The following SNRNP70 variants were observed in gnomAD, a reference collection of about 807,000 sequenced individuals.
SNRNP70 encodes U1 small nuclear ribonucleoprotein 70 kDa.
Under a neutral mutation model 50.5 loss-of-function variants are expected in SNRNP70, and 8 were observed. The observed-to-expected ratio is 0.16, with a 90% CI of 0.09 to 0.29. The LOEUF is 0.29. Ranked by LOEUF, SNRNP70 falls within the 10% of genes least tolerant of loss-of-function variation. The pLI, the probability that SNRNP70 is intolerant of heterozygous loss-of-function variation, is 1.00. For missense variants in SNRNP70, 529 were observed against 663.5 expected (o/e 0.80, Z 2.23); for synonymous variants, 320 against 252.9 (o/e 1.27, Z -2.52).
At chr19:49,094,197 A>G (rs2040485418) in intron 4 of SNRNP70, among the ~76,000 whole-genome samples, 1 of 152,108 alleles carries the variant, frequency 6.6e-6, no homozygotes, top group Non-Finnish European at 1.5e-5. Flanking sequence ...ATGGTGTGCT[A>G]TCTGGAATTT....
rs1270724114 is a variant in SNRNP70, at chr19:49,093,678, C to CAAAA, written c.265+3169_265+3172dup. On this transcript the variant is annotated intron_variant, in intron 4 of 9. Transcript: ENST00000598441. ...TGGGTGACAGAACAAGATTCCATCT[C>CAAAA]AAAAAAAAAAAAAACAAAAAAAAAA... 1.4e-3 allele frequency among the ~76,000 whole-genome samples: 92 copies of CAAAA among 64,130 alleles called. 1 individual carries two copies. The highest frequency in any genetic ancestry group is 1.7e-3 in the African/African-American group (26 of 15,300). 42.1% of individuals were successfully genotyped at this position (64,130 alleles called of 152,430 possible).
chr19:49,107,889 C>T lies in SNRNP70; in HGVS notation c.760C>T (p.Arg254Trp), dbSNP rs1460056839. The T allele has an allele frequency of 6.5e-7, 1 of 1,549,870 alleles. No homozygotes were observed. Among genetic ancestry groups the T allele is most frequent in the Non-Finnish European group, 8.7e-7 (1 of 1,147,780 alleles). ...RSRERDKERE[R>W]RRSRSRDRRR... is the part of the protein sequence containing the mutation. ...CCGGGAGCGAGACAAGGAGCGAGAA[C>T]GGCGACGCTCCCGCTCCCGGGACCG... is the stretch of plus-strand genomic sequence containing the variant. The change falls in exon 10 of 10, where the codon CGG becomes TGG. Residue 254 changes from arginine to tryptophan, a missense_variant. Physicochemically the swap from Arg to Trp is moderately radical, Grantham distance 101 (BLOSUM62 -3). Coordinates refer to ENST00000598441, the MANE Select transcript of SNRNP70 (RefSeq NM_003089.6). The surrounding 1 kb of genome is among the most constrained non-coding windows in gnomAD (Gnocchi z 6.0).
At chr19:49,098,294 C>G (rs1231939208) in intron 4 of SNRNP70, 133 bp from the exon 5 acceptor site, 2 of 732,128 alleles carry the variant, frequency 2.7e-6, no homozygotes, top group Admixed American at 2.3e-5. Context: ...TGCCAGGTCA[C>G]CACCCATGTT....
chr19:49,104,155 CAG>C lies in SNRNP70; in HGVS notation c.476-477_476-476del, dbSNP rs1207500668. On this transcript the variant is annotated intron_variant, in intron 7 of 9. Coordinates refer to ENST00000598441, the MANE Select transcript of SNRNP70 (RefSeq NM_003089.6). This position sits in a 1 kb window ranked among gnomAD's most constrained non-coding sequence, Gnocchi z 5.4. ...CACCCCCCTCCAAAAAAAACAAAAACAGAAAAAACCGGTGTGGTCTGGGGTGC... is the reference window on the plus strand; with the variant it reads ...CACCCCCCTCCAAAAAAAACAAAAACAAAAAACCGGTGTGGTCTGGGGTGC... The C allele has an allele frequency of 6.6e-6, 1 of 152,514 alleles. No homozygotes were observed. Among genetic ancestry groups the C allele is most frequent in the Non-Finnish European group, 1.4e-5 (1 of 69,228 alleles). The allele number at this position is 152,514 out of a possible 1,614,324, so 9.4% of individuals were successfully genotyped here. A position where few individuals can be genotyped will look rare whatever the true frequency, so the allele number is the denominator to read the frequency against.
chr19:49,098,449 T>C lies in SNRNP70; in HGVS notation c.288T>C (p.Asn96=), dbSNP rs751709531. The C allele has an allele frequency of 1.2e-6, 2 of 1,613,718 alleles. No individual in the cohort carries two copies. Among genetic ancestry groups the C allele is most frequent in the Non-Finnish European group, 1.7e-6 (2 of 1,179,800 alleles). The change falls in exon 5 of 10, where the codon AAT becomes AAC. Residue 96 remains asparagine, a synonymous_variant. Coordinates refer to ENST00000598441, the MANE Select transcript of SNRNP70 (RefSeq NM_003089.6). ...LKMWDPHNDP[N]AQGDAFKTLF... ...CAGGGGACCCTCACAATGATCCCAA[T>C]GCTCAGGGGGATGCCTTCAAGACTC...
At chr19:49,102,388 G>A (rs953169913) in intron 7 of SNRNP70, 4 of 303,674 alleles carry the variant, frequency 1.3e-5, no homozygotes, top group South Asian at 7.9e-5. Context: ...TCCCAGGAGG[G>A]GAAGGATGAA....
In SNRNP70 at chr19:49,107,835, G is replaced by GA. The variant is rs2040694370; in HGVS notation, c.707dup (p.Asp236GlufsTer3). 1 of 1,579,234 alleles carries GA rather than the reference G, an allele frequency of 6.3e-7. No individual in the cohort carries two copies. The highest frequency in any genetic ancestry group is 8.6e-7 in the Non-Finnish European group (1 of 1,163,142). ...GCTTCCGCACAGGGACCGGGACCGGGACCGTGAGCGGGAGCGCAGAGAGCG... is the reference window on the plus strand; with the variant it reads ...GCTTCCGCACAGGGACCGGGACCGGGAACCGTGAGCGGGAGCGCAGAGAGCG... On this transcript the variant is annotated frameshift_variant, in exon 10 of 10. Transcript: ENST00000598441. LOFTEE classifies it high-confidence loss of function. This position sits in a 1 kb window ranked among gnomAD's most constrained non-coding sequence, Gnocchi z 6.0.
intron 5 of SNRNP70, 36 bp from the exon 6 acceptor site, chr19:49,098,600 AGCTCTG>A: frequency 6.2e-7 from 1 of 1,601,984 alleles, no homozygotes; most frequent in Non-Finnish European, 8.6e-7. Context: ...GCTGTGGGAC[AGCTCTG>A]TTCTCCCATT....
At chr19:49,098,554 G>A (rs905533507) in intron 5 of SNRNP70, 63 bp downstream of exon 5, 2 of 1,597,290 alleles carry the variant, frequency 1.3e-6, no homozygotes, top group East Asian at 2.2e-5. Flanking sequence ...CTGGCACAAA[G>A]GTCAAATAGG....
chr19:49,104,710 G>A lies in SNRNP70; in HGVS notation c.552G>A (p.Val184=), dbSNP rs1423028571. 3 of 1,555,948 alleles carry A rather than the reference G, an allele frequency of 1.9e-6. No individual in the cohort carries two copies. In the African/African-American group the frequency reaches 4.1e-5, roughly 21 times the overall value. ...TGGACGTGGAGAGGGGCCGAACCGT[G>A]AAGGGCTGGAGGCCCCGGCGGCTAG... ...VLVDVERGRT[V]KGWRPRRLGG... is the part of the protein sequence containing the mutation. The change falls in exon 8 of 10, where the codon GTG becomes GTA. Residue 184 remains valine (V), a synonymous_variant. Transcript: ENST00000598441. The surrounding 1 kb of genome is among the most constrained non-coding windows in gnomAD (Gnocchi z 5.4).
rs201216612 is a variant in SNRNP70 at position 49,107,586 on chromosome 19, C to T, written c.578-39C>T. On this transcript the variant is annotated intron_variant, in intron 8 of 9. Transcript: ENST00000598441. This position sits in a 1 kb window ranked among gnomAD's most constrained non-coding sequence, Gnocchi z 6.0. ...ATTTCTGCTCCTCCGGGCCCTGTCCCTGCCCAGATTCACCCTCTGTCCGTC... is the reference window on the plus strand; with the variant it reads ...ATTTCTGCTCCTCCGGGCCCTGTCCTTGCCCAGATTCACCCTCTGTCCGTC... 67 of 1,595,716 alleles carry T rather than the reference C, an allele frequency of 4.2e-5. No homozygotes were observed. Among genetic ancestry groups the T allele is most frequent in the Middle Eastern group, 3.3e-4 (2 of 6,018 alleles).
In SNRNP70 at chr19:49,104,443, T is replaced by G. The variant is rs868717132; in HGVS notation, c.476-191T>G. The G allele has an allele frequency of 8.9e-6, 5 of 564,508 alleles. No individual in the cohort carries two copies. Among genetic ancestry groups the G allele is most frequent in the African/African-American group, 7.7e-5 (4 of 52,126 alleles). The allele number at this position is 564,508 out of a possible 1,614,324, so 35.0% of individuals were successfully genotyped here. On this transcript the variant is annotated intron_variant, in intron 7 of 9. Coordinates refer to ENST00000598441, the MANE Select transcript of SNRNP70 (RefSeq NM_003089.6). This position sits in a 1 kb window ranked among gnomAD's most constrained non-coding sequence, Gnocchi z 5.4. ...TGGGGCGCTGAGAGGAAGCAGACGC[T>G]GAGATGGAGCAGGCCCTTCACCGGT...
At position 49,108,393 on chromosome 19, in the gene SNRNP70, G is replaced by A. The variant is rs777778493; in HGVS notation, c.1264G>A (p.Gly422Ser). The A allele has an allele frequency of 9.9e-6, 16 of 1,611,036 alleles. No individual in the cohort carries two copies. In the East Asian group the frequency reaches 2.2e-4, roughly 23 times the overall value. Residue 422 changes from glycine (G) to serine (S), a missense_variant, in exon 10 of 10, where the codon GGC (glycine) becomes AGC (serine). Gly to Ser is a moderately conservative substitution (Grantham distance 56, BLOSUM62 0). This residue lies in a region of SNRNP70 where 327 missense variants were observed against 308.8 expected (regional missense o/e 1.06). Coordinates refer to ENST00000598441, the MANE Select transcript of SNRNP70 (RefSeq NM_003089.6). ...GTACATGGAGTCTGAGGGCGGCGAC[G>A]GCTACCTGGCTCCGGAGAATGGGTA... is the stretch of plus-strand genomic sequence containing the variant. ...DMYMESEGGD[G>S]YLAPENGYLM...
chr19:49,102,848 G>A (rs946949627), intron 7 of SNRNP70: 12 of 152,672 alleles, frequency 7.9e-5, no homozygotes, highest in African/African-American at 2.9e-4. Flanking sequence ...GAGAGAGAGA[G>A]GCCTAGACGA....
rs571234800 is a variant in SNRNP70 at position 49,098,227 on chromosome 19, C to G, written c.266-200C>G. Among the ~76,000 whole-genome samples the G allele has an allele frequency of 2.0e-5, 3 of 152,316 alleles. No individual in the cohort carries two copies. In the South Asian group the frequency reaches 6.2e-4, roughly 32 times the overall value. On this transcript the variant is annotated intron_variant, in intron 4 of 9. Transcript: ENST00000598441. Reference sequence around the variant, plus strand: ...CAGCCTGGATTATCTCTCAGCCACTCTGATAAAGCCCACTGTGCCTCAGAG... The same window carrying G: ...CAGCCTGGATTATCTCTCAGCCACTGTGATAAAGCCCACTGTGCCTCAGAG...
chr19:49,104,038 T>C lies in SNRNP70; in HGVS notation c.476-596T>C, dbSNP rs1314351194. ...CCCCGCCAGGCCCCCTGGGAGTGTA[T>C]AACCCGCCTCTCTGCTCCCTGCCAT... is the stretch of plus-strand genomic sequence containing the variant. On this transcript the variant is annotated intron_variant, in intron 7 of 9. Coordinates refer to ENST00000598441, the MANE Select transcript of SNRNP70 (RefSeq NM_003089.6). This position sits in a 1 kb window ranked among gnomAD's most constrained non-coding sequence, Gnocchi z 5.4. The C allele has an allele frequency of 1.3e-5, 2 of 152,508 alleles. No individual in the cohort carries two copies. The highest frequency in any genetic ancestry group is 2.9e-5 in the Non-Finnish European group (2 of 68,442). The allele number at this position is 152,508 out of a possible 1,614,324, so 9.4% of individuals were successfully genotyped here.
intron 4 of SNRNP70, among the ~76,000 whole-genome samples, chr19:49,096,536 C>T: frequency 6.6e-6 from 1 of 150,474 alleles, no homozygotes. Flanking sequence ...GAGGCCGAGG[C>T]AGGCAGATCA....
intron 4 of SNRNP70, among the ~76,000 whole-genome samples, chr19:49,091,275 A>G (rs915472699): frequency 6.0e-5 from 9 of 149,664 alleles, no homozygotes; most frequent in Non-Finnish European, 8.9e-5. Context: ...AGACTGAGGC[A>G]GGAGAATCTC....
chr19:49,088,589 C>G (rs139647202), intron 2 of SNRNP70, among the ~76,000 whole-genome samples: 1 of 150,818 alleles, frequency 6.6e-6, no homozygotes, highest in South Asian at 2.1e-4. Flanking sequence ...TTCCACCTCC[C>G]GGGTTCAAAG....
Sources: allele counts gnomAD v4.1 joint callset (sites outside exome capture counted in the v4.1 genomes callset), GRCh38; gene constraint gnomAD v4.1.1; regional missense constraint gnomAD v4.1.1; non-coding constraint Gnocchi (gnomAD v3.1); transcripts MANE v1.5; gene names NCBI Gene and HGNC (gene_info 2026-07-23, HGNC 2026-07-21).